AOPEP: variants seen among roughly 807,000 people sequenced by gnomAD.
AOPEP encodes the protein aminopeptidase O (putative), also known as aminopeptidase O.
AOPEP carries 77 observed loss-of-function variants against 98.1 expected under a neutral mutation model. The ratio of observed to expected loss-of-function variants is 0.78; its 90% confidence interval spans 0.65 to 0.95. AOPEP has a LOEUF of 0.95. Ranked by LOEUF, AOPEP falls within the 40% of genes least tolerant of loss-of-function variation. The pLI, the probability that AOPEP is intolerant of heterozygous loss-of-function variation, is 0.00. For missense variants in AOPEP, 1,024 were observed against 1,024.7 expected, an observed-to-expected ratio of 1.00 and a Z score of 0.01; for synonymous variants, 346 against 365.3, an observed-to-expected ratio of 0.95 and a Z score of 0.60.
chr9:95,043,990 A>G (rs2065597538), intron 13 of AOPEP, among the ~76,000 whole-genome samples: 1 of 152,170 alleles, frequency 6.6e-6, no homozygotes, highest in African/African-American at 2.4e-5. Context: ...CTCTTTCCCC[A>G]GTCATCTAAG....
chr9:95,117,339 T>A, the AOPEP span: 5 of 1,614,074 alleles, frequency 3.1e-6, no homozygotes, highest in East Asian at 8.9e-5. Flanking sequence ...AGCAGCACCA[T>A]GGCAAGAGAT....
chr9:94,996,518 C>T (rs909102315), intron 11 of AOPEP, among the ~76,000 whole-genome samples: 3 of 152,094 alleles, frequency 2.0e-5, no homozygotes, highest in Non-Finnish European at 4.4e-5. Context: ...GAGTGCCAAG[C>T]TTTTTAAAAC....
At chr9:94,959,260 G>T (rs1183998305) in intron 9 of AOPEP, among the ~76,000 whole-genome samples, 1 of 152,046 alleles carries the variant, frequency 6.6e-6, no homozygotes, top group Non-Finnish European at 1.5e-5. Context: ...AGCCAGGATG[G>T]TCTTGATCTC....
At chr9:94,790,104 TG>T (rs1845357464) in intron 3 of AOPEP, among the ~76,000 whole-genome samples, 2 of 151,954 alleles carry the variant, frequency 1.3e-5, no homozygotes, top group Non-Finnish European at 2.9e-5. Flanking sequence ...CTCGATCTCC[TG>T]ACCTCGTGAT....
rs541939908 is a variant in AOPEP, at chr9:95,062,229, A to C, written c.2232+1419A>C. Among the ~76,000 whole-genome samples, 11 of 149,028 alleles carry C rather than the reference A, an allele frequency of 7.4e-5. No individual in the cohort carries two copies. The South Asian group carries it at 2.4e-3, about 32-fold the overall frequency. ...GTTGAATTAGGTGGCTGGTTCAGAA[A>C]CACCTGCCCAGGCTAACGGGGCAGA... On this transcript the variant is annotated intron_variant, in intron 14 of 16. Coordinates refer to ENST00000375315, the MANE Select transcript of AOPEP (RefSeq NM_001193329.3).
intron 9 of AOPEP, among the ~76,000 whole-genome samples, chr9:94,960,395 C>T (rs1210959298): frequency 3.5e-5 from 5 of 144,530 alleles, no homozygotes; most frequent in African/African-American, 7.7e-5. Flanking sequence ...TGGGACAGAA[C>T]GAGACTCCAT....
chr9:95,080,900 T>C (rs1052569770), intron 15 of AOPEP, 120 bp downstream of exon 15: 36 of 759,378 alleles, frequency 4.7e-5, no homozygotes, highest in Non-Finnish European at 8.3e-5. Context: ...CAGAGATTCT[T>C]AAGGACTGGT....
chr9:94,908,903 A>G (rs1314532165), intron 5 of AOPEP, among the ~76,000 whole-genome samples: 3 of 152,206 alleles, frequency 2.0e-5, no homozygotes, highest in East Asian at 3.8e-4. Context: ...TCTTATTCCA[A>G]TATTTTCCTT....
chr9:95,114,593 G>T, the AOPEP span: 6 of 1,566,690 alleles, frequency 3.8e-6, no homozygotes, highest in East Asian at 1.1e-4. Context: ...GAAACCATGT[G>T]TGAAGTAGAT....
intron 7 of AOPEP, among the ~76,000 whole-genome samples, chr9:94,938,246 C>T (rs913637990): frequency 6.6e-6 from 1 of 152,168 alleles, no homozygotes; most frequent in African/African-American, 2.4e-5. Flanking sequence ...CTAGGGATTA[C>T]GTCTTGTTTC....
At chr9:94,912,581 A>G (rs1399096797) in intron 5 of AOPEP, among the ~76,000 whole-genome samples, 1 of 152,212 alleles carries the variant, frequency 6.6e-6, no homozygotes. Flanking sequence ...GTGAGACCCA[A>G]TTCCTTGTCC....
chr9:95,045,987 A>G lies in AOPEP; in HGVS notation c.2116-14707A>G, dbSNP rs541565011. The stretch of plus-strand genomic sequence containing the variant: ...AACGCAGGGTAGGTGCTCAGGTGGC[A>G]CGAGCACTGCTGGCCAGCAGAGGAC... On this transcript the variant is annotated intron_variant, in intron 13 of 16. Transcript: ENST00000375315. Among the ~76,000 whole-genome samples, 7 of 152,328 alleles carry G rather than the reference A, an allele frequency of 4.6e-5. No individual in the cohort carries two copies. The East Asian group carries it at 9.6e-4, about 21-fold the overall frequency.
At chr9:94,859,236 A>G (rs2044634203) in intron 5 of AOPEP, among the ~76,000 whole-genome samples, 1 of 152,206 alleles carries the variant, frequency 6.6e-6, no homozygotes. Flanking sequence ...TGACCGTGCT[A>G]GCATACTGAT....
At chr9:95,104,680 A>G in the AOPEP span, among the ~76,000 whole-genome samples, 1 of 152,306 alleles carries the variant, frequency 6.6e-6, no homozygotes, top group African/African-American at 2.4e-5. Context: ...GGGTGTCTCT[A>G]GGGTGCTTGC....
At chr9:95,138,928 C>T in the AOPEP span, among the ~76,000 whole-genome samples, 3 of 152,352 alleles carry the variant, frequency 2.0e-5, no homozygotes, top group South Asian at 4.1e-4. Flanking sequence ...ATTCAGAGCA[C>T]ACCCTACTAA....
At chr9:94,737,234 A>G (rs955453775) in intron 1 of AOPEP, among the ~76,000 whole-genome samples, 3 of 152,030 alleles carry the variant, frequency 2.0e-5, no homozygotes, top group African/African-American at 7.3e-5. Context: ...CCTCCTGAGT[A>G]GCCGAGAGTA....
chr9:94,944,110 A>G (rs2057357038), intron 7 of AOPEP, among the ~76,000 whole-genome samples: 1 of 152,144 alleles, frequency 6.6e-6, no homozygotes, highest in South Asian at 2.1e-4. Context: ...ACAGATAATA[A>G]AAATCAGTGA....
intron 13 of AOPEP, among the ~76,000 whole-genome samples, chr9:95,039,600 G>A (rs2065117993): frequency 6.6e-6 from 1 of 152,130 alleles, no homozygotes; most frequent in African/African-American, 2.4e-5. Flanking sequence ...CTGGACCATA[G>A]TTTTAAGGAA....
chr9:95,012,711 A>G (rs1286425722), intron 13 of AOPEP, among the ~76,000 whole-genome samples: 1 of 151,988 alleles, frequency 6.6e-6, no homozygotes, highest in Non-Finnish European at 1.5e-5. Context: ...TTCTGGAAAT[A>G]TATGTTCAGG....
Sources: gnomAD v4.1 joint callset for allele counts (sites outside exome capture counted in the v4.1 genomes callset) on GRCh38, gnomAD v4.1.1 for gene constraint, MANE v1.5 for transcripts, NCBI Gene and HGNC (gene_info 2026-07-23, HGNC 2026-07-21) for gene names.